Variants in CEACAM21 observed in about 807,000 individuals in gnomAD.
CEACAM21 encodes cell adhesion molecule CEACAM21.
A neutral mutation model predicts 33.2 loss-of-function variants in CEACAM21; 38 were observed. The ratio of observed to expected loss-of-function variants is 1.14; its 90% confidence interval spans 0.88 to 1.50. The LOEUF (loss-of-function observed/expected upper bound fraction) is 1.50, where lower values mean the gene tolerates loss of function less well. Ranked by LOEUF, CEACAM21 falls within the 40% of genes most tolerant of loss-of-function variation. The probability of loss-of-function intolerance (pLI) is 0.00; values close to 1 mark genes in which losing one functional copy is unlikely to be tolerated. For synonymous variants in CEACAM21, 156 were observed against 143.0 expected (o/e 1.09, Z -0.65); for missense variants, 385 against 364.6 (o/e 1.06, Z -0.46).
upstream of CEACAM21, among the ~76,000 whole-genome samples, chr19:41,572,378 C>T (rs75770475): frequency 0.024 from 3,616 of 152,246 alleles, 155 homozygotes; most frequent in African/African-American, 0.083. Flanking sequence ...CACCCCCTCC[C>T]AGAGCAAACT....
At chr19:41,575,678 G>A (rs1177820977), upstream of CEACAM21, among the ~76,000 whole-genome samples, 1 of 152,150 alleles carries the variant, frequency 6.6e-6, no homozygotes. Context: ...AGGAGCTGGG[G>A]ATCCTCCCGA....
Position 41,576,199 on chromosome 19 carries a change from A to G in CEACAM21, c.-76A>G, listed in dbSNP as rs532388993. 6.5e-7 allele frequency: 1 copy of G among 1,541,386 alleles called. No individual in the cohort carries two copies. The highest frequency in any genetic ancestry group is 1.4e-5 in the African/African-American group (1 of 73,202). On this transcript the variant is annotated 5_prime_UTR_variant, in exon 1 of 7. Transcript: ENST00000401445. ...AGGAAGGACAGCAGAGACAACAGTC[A>G]CAGTAACCCTGTCTAGAGCGTTCCT... is the stretch of plus-strand genomic sequence containing the variant.
Position 41,576,315 on chromosome 19 carries a change from C to T in CEACAM21, c.41C>T (p.Pro14Leu). ...PSACPHRECI[P>L]WQGLLLTASL... ...GCTTGTCCCCACAGAGAATGCATCCCCTGGCAGGGGCTCTTGCTCACAGGT... is the reference window on the plus strand; with the variant it reads ...GCTTGTCCCCACAGAGAATGCATCCTCTGGCAGGGGCTCTTGCTCACAGGT... The change falls in exon 1 of 7, where the codon CCC becomes CTC. Residue 14 changes from proline to leucine, a missense_variant. Pro to Leu is a moderately conservative substitution (Grantham distance 98). Transcript: ENST00000401445. 1 of 1,612,422 alleles carries T rather than the reference C, an allele frequency of 6.2e-7. No homozygotes were observed. Among genetic ancestry groups the T allele is most frequent in the Non-Finnish European group, 8.5e-7 (1 of 1,179,028 alleles).
intron 5 of CEACAM21, 52 bp downstream of exon 5, chr19:41,585,547 A>C: frequency 6.3e-7 from 1 of 1,584,786 alleles, no homozygotes; most frequent in Non-Finnish European, 8.7e-7. Context: ...GCCAGCCCCA[A>C]GTTGTCCACT....
chr19:41,584,260 C>T, intron 3 of CEACAM21, 87 bp from the exon 4 acceptor site: 3 of 1,136,936 alleles, frequency 2.6e-6, no homozygotes, highest in Non-Finnish European at 3.9e-6. Context: ...TTTCCTTCCT[C>T]CCTGACCATG....
chr19:41,569,561 A>AG (rs2042471435), intron 2 of CEACAM21, among the ~76,000 whole-genome samples: 1 of 151,904 alleles, frequency 6.6e-6, no homozygotes, highest in African/African-American at 2.4e-5. Context: ...CTGCAGGGAG[A>AG]GGGGCTGCAG....
intron 1 of CEACAM21, among the ~76,000 whole-genome samples, chr19:41,559,943 C>T (rs782476849): frequency 3.9e-5 from 6 of 152,106 alleles, no homozygotes; most frequent in East Asian, 3.9e-4. Context: ...CTGTGAACAA[C>T]GTTGCATCTC....
intron 1 of CEACAM21, among the ~76,000 whole-genome samples, chr19:41,576,620 C>G (rs1364567216): frequency 1.3e-5 from 2 of 152,198 alleles, no homozygotes; most frequent in African/African-American, 4.8e-5. Flanking sequence ...AAAACACCAC[C>G]AGGGCATGAA....
intron 1 of CEACAM21, chr19:41,552,286 G>C (rs1186769596): frequency 6.6e-6 from 1 of 151,556 alleles, no homozygotes; most frequent in Non-Finnish European, 1.5e-5. Context: ...ACAGAGGTTT[G>C]GGGGGGGTTC....
chr19:41,574,529 G>T (rs1285181548), upstream of CEACAM21, among the ~76,000 whole-genome samples: 1 of 152,042 alleles, frequency 6.6e-6, no homozygotes, highest in Non-Finnish European at 1.5e-5. Flanking sequence ...AACAGCAAAT[G>T]ATTTGAATAA....
At position 41,556,860 on chromosome 19, in the gene CEACAM21, T is replaced by C. The variant is rs1306529157; in HGVS notation, c.-779+7308T>C. 2.0e-5 allele frequency among the ~76,000 whole-genome samples: 3 copies of C among 152,368 alleles called. No individual in the cohort carries two copies. In the Middle Eastern group the frequency reaches 0.01, roughly 518 times the overall value. ...TTAATTTTATCAGAAGGATTTTTAA[T>C]GCAAGCCATGAAATCGTTACATATC... On this transcript the variant is annotated intron_variant, in intron 1 of 7. Transcript: ENST00000407170.
chr19:41,567,203 G>A (rs2042321135), intron 2 of CEACAM21, among the ~76,000 whole-genome samples: 1 of 152,174 alleles, frequency 6.6e-6, no homozygotes, highest in South Asian at 2.1e-4. Context: ...TGCACATTAA[G>A]TATTTGTTAA....
At chr19:41,578,633 G>A (rs2043134925) in intron 2 of CEACAM21, among the ~76,000 whole-genome samples, 1 of 152,150 alleles carries the variant, frequency 6.6e-6, no homozygotes, top group African/African-American at 2.4e-5. Flanking sequence ...GGGAGATTCT[G>A]GTCTGAGGAA....
At position 41,578,324 on chromosome 19, in the gene CEACAM21, A is replaced by G. The variant is rs1452570532; in HGVS notation, c.424+765A>G. On this transcript the variant is annotated intron_variant, in intron 2 of 6. Coordinates refer to ENST00000401445, the MANE Select transcript of CEACAM21 (RefSeq NM_001098506.4). ...AACTCTTTTTTTTTTTTTTTGGAGT[A>G]AAATAATAATAGATGATGTTTATTT... Among the ~76,000 whole-genome samples the G allele has an allele frequency of 2.0e-5, 3 of 149,670 alleles. No homozygotes were observed. In the East Asian group the frequency reaches 5.8e-4, roughly 29 times the overall value.
At chr19:41,586,306 A>G (rs1413208242) in intron 6 of CEACAM21, 158 bp from the exon 7 acceptor site, 9 of 548,616 alleles carry the variant, frequency 1.6e-5, no homozygotes, top group Non-Finnish European at 2.8e-5. Context: ...TGAAAATAAC[A>G]GGAGGTGGTG....
At chr19:41,552,371 C>T (rs2041265094) in intron 1 of CEACAM21, 1 of 152,160 alleles carries the variant, frequency 6.6e-6, no homozygotes, top group Non-Finnish European at 1.5e-5. Context: ...TTGTTTAATC[C>T]TAAACAGGTC....
chr19:41,569,792 C>A (rs918082910), intron 2 of CEACAM21, among the ~76,000 whole-genome samples: 2 of 152,160 alleles, frequency 1.3e-5, no homozygotes, highest in African/African-American at 2.4e-5. Context: ...ACTCCAGCCA[C>A]CCCGCCTACA....
upstream of CEACAM21, among the ~76,000 whole-genome samples, chr19:41,573,124 T>C (rs1555789932): frequency 2.0e-5 from 3 of 152,178 alleles, no homozygotes; most frequent in Admixed American, 6.5e-5. Flanking sequence ...CCCTTCCTTG[T>C]GCAAAGGCTT....
At chr19:41,556,910 G>A (rs2041566956) in intron 1 of CEACAM21, among the ~76,000 whole-genome samples, 1 of 152,306 alleles carries the variant, frequency 6.6e-6, no homozygotes, top group South Asian at 2.1e-4. Context: ...ATTGTCCCAT[G>A]AGTACAAATA....
Sources: allele counts gnomAD v4.1 joint callset (sites outside exome capture counted in the v4.1 genomes callset), GRCh38; gene constraint gnomAD v4.1.1; transcripts MANE v1.5; gene names NCBI Gene and HGNC (gene_info 2026-07-23, HGNC 2026-07-21).